The following PON3 variants were observed in gnomAD, a reference collection of about 807,000 sequenced individuals.
PON3 encodes serum paraoxonase/lactonase 3.
Under a neutral mutation model 36.3 loss-of-function variants are expected in PON3, and 37 were observed. The ratio of observed to expected loss-of-function variants is 1.02; its 90% CI spans 0.78 to 1.34. PON3 has a LOEUF of 1.34. PON3 is among the 40% of genes most tolerant of loss of function. The pLI, the probability that PON3 is intolerant of heterozygous loss-of-function variation, is 0.00. For synonymous variants in PON3, 155 were observed against 154.8 expected (o/e 1.00, Z -0.01); for missense variants, 415 against 426.5 (o/e 0.97, Z 0.24).
chr7:95,387,060 A>T (rs1459276640), intron 3 of PON3, among the ~76,000 whole-genome samples: 1 of 152,092 alleles, frequency 6.6e-6, no homozygotes, highest in African/African-American at 2.4e-5. Flanking sequence ...GAAGCATTCC[A>T]TTTGAAAACC....
chr7:95,362,670 T>C (rs1808598560), intron 7 of PON3, 90 bp downstream of exon 7: 2 of 1,389,134 alleles, frequency 1.4e-6, no homozygotes, highest in South Asian at 1.2e-5. Context: ...CAAATAGCCA[T>C]GTTTTCCTCA....
At chr7:95,372,406 A>G in intron 3 of PON3, 68 bp from the exon 4 acceptor site, 1 of 1,539,048 alleles carries the variant, frequency 6.5e-7, no homozygotes, top group Non-Finnish European at 8.9e-7. Context: ...AAGGAATTTA[A>G]AATCTCAAAG....
chr7:95,376,252 A>T (rs753053184), intron 3 of PON3, among the ~76,000 whole-genome samples: 8 of 152,222 alleles, frequency 5.3e-5, no homozygotes, highest in Non-Finnish European at 1.0e-4. Flanking sequence ...TAGCTGGCAA[A>T]GTGTGAAGAA....
At chr7:95,382,719 C>T (rs1809090282) in intron 3 of PON3, among the ~76,000 whole-genome samples, 1 of 152,064 alleles carries the variant, frequency 6.6e-6, no homozygotes, top group African/African-American at 2.4e-5. Flanking sequence ...TAATAGCTTA[C>T]CAACCAAAAA....
chr7:95,395,645 A>G (rs1809413008), intron 1 of PON3, among the ~76,000 whole-genome samples: 1 of 152,174 alleles, frequency 6.6e-6, no homozygotes, highest in African/African-American at 2.4e-5. Flanking sequence ...AATGTGTATT[A>G]TCACTTAAAG....
chr7:95,393,624 G>A (rs776912889), intron 2 of PON3, among the ~76,000 whole-genome samples: 1 of 152,256 alleles, frequency 6.6e-6, no homozygotes, highest in South Asian at 2.1e-4. Flanking sequence ...AGGGACAAGC[G>A]GGGAACAATG....
chr7:95,360,248 A>G (rs576201457), intron 8 of PON3, 117 bp from the exon 9 acceptor site: 14 of 963,932 alleles, frequency 1.5e-5, no homozygotes, highest in Admixed American at 7.6e-5. Flanking sequence ...TAAAATCTGT[A>G]TATCTTCAAT....
intron 3 of PON3, among the ~76,000 whole-genome samples, chr7:95,385,066 A>C (rs964530210): frequency 3.9e-5 from 6 of 152,200 alleles, no homozygotes; most frequent in African/African-American, 9.7e-5. Flanking sequence ...ACATGGATGA[A>C]ACTGGAAACC....
chr7:95,395,014 CA>C (rs1809398266), intron 1 of PON3, among the ~76,000 whole-genome samples: 2 of 152,082 alleles, frequency 1.3e-5, no homozygotes, highest in South Asian at 4.1e-4. Context: ...AGTAATTGAA[CA>C]ATATTATTAA....
At chr7:95,367,244 GA>G in intron 5 of PON3, 117 bp downstream of exon 5, 1 of 1,326,486 alleles carries the variant, frequency 7.5e-7, no homozygotes, top group Non-Finnish European at 1.0e-6. Context: ...GAAAGCTTTA[GA>G]AAAAAATCAA....
intron 4 of PON3, 99 bp from the exon 5 acceptor site, chr7:95,367,587 T>C: frequency 3.8e-6 from 5 of 1,332,518 alleles, no homozygotes; most frequent in Non-Finnish European, 5.3e-6. Context: ...GTTTTCTTCT[T>C]ACATCTTGCA....
chr7:95,374,713 T>C (rs545584944), intron 3 of PON3, among the ~76,000 whole-genome samples: 7 of 152,126 alleles, frequency 4.6e-5, no homozygotes, highest in Non-Finnish European at 1.0e-4. Flanking sequence ...TCCAAATTAC[T>C]TTATTTTGAT....
chr7:95,375,077 A>G (rs901141908), intron 3 of PON3, among the ~76,000 whole-genome samples: 3 of 152,046 alleles, frequency 2.0e-5, no homozygotes, highest in Non-Finnish European at 2.9e-5. Context: ...CCTCGAATCC[A>G]TCCTCTCATT....
chr7:95,366,675 T>C (rs1261592913), intron 5 of PON3, among the ~76,000 whole-genome samples: 1 of 152,220 alleles, frequency 6.6e-6, no homozygotes, highest in African/African-American at 2.4e-5. Context: ...GTAAGAAAGA[T>C]GTTCATTGCA....
intron 3 of PON3, among the ~76,000 whole-genome samples, chr7:95,373,895 A>G (rs893679853): frequency 6.6e-6 from 1 of 152,172 alleles, no homozygotes; most frequent in Non-Finnish European, 1.5e-5. Context: ...ACAAGGAACA[A>G]CAGGAGGTGA....
chr7:95,383,188 T>C (rs951736214), intron 3 of PON3, among the ~76,000 whole-genome samples: 18 of 152,262 alleles, frequency 1.2e-4, no homozygotes, highest in African/African-American at 3.1e-4. Flanking sequence ...AATTAGGTAT[T>C]GATGGGACAT....
Position 95,372,180 on chromosome 7 carries a change from G to C in PON3, c.360C>G (p.Ile120Met), listed in dbSNP as rs779151483. 6.2e-7 allele frequency: 1 copy of C among 1,612,974 alleles called. No individual in the cohort carries two copies. Among genetic ancestry groups the C allele is most frequent in the Non-Finnish European group, 8.5e-7 (1 of 1,179,340 alleles). The change falls in exon 4 of 9, where the codon ATC (isoleucine) becomes ATG (methionine). Residue 120 changes from isoleucine to methionine, a missense_variant. Ile to Met is a conservative substitution (Grantham distance 10, BLOSUM62 1). Transcript: ENST00000265627. The stretch of plus-strand genomic sequence containing the variant: ...TAAACATACAGGTTTTACCTTTGTC[G>C]ATGAAAATACTGATCCCATGTGGAT... The part of the protein sequence containing the change: ...LFNPHGISIF[I>M]DKDNTVYLYV...
At chr7:95,363,841 A>G (rs543990494) in intron 6 of PON3, 22 bp downstream of exon 6, 171 of 1,606,810 alleles carry the variant, frequency 1.1e-4, no homozygotes, top group Admixed American at 6.3e-4. Flanking sequence ...CAAAGGATAG[A>G]AAAATACACA....
rs755335386 is a variant in PON3, at chr7:95,360,149, T to C, written c.907-18A>G. The C allele has an allele frequency of 1.2e-6, 2 of 1,605,988 alleles. No individual in the cohort carries two copies. Among genetic ancestry groups the C allele is most frequent in the Admixed American group, 3.3e-5 (2 of 59,986 alleles). On this transcript the variant is annotated intron_variant, in intron 8 of 8. Coordinates refer to ENST00000265627, the MANE Select transcript of PON3 (RefSeq NM_000940.3). ...CGAAGTACCTGTCGAGAAAAGATCG[T>C]TTATTAGTATATTATGTGAGTAAAC...
Sources: gnomAD v4.1 joint callset for allele counts (sites outside exome capture counted in the v4.1 genomes callset) on GRCh38, gnomAD v4.1.1 for gene constraint, MANE v1.5 for transcripts, NCBI Gene and HGNC (gene_info 2026-07-23, HGNC 2026-07-21) for gene names.